The following DTYMK variants were observed in gnomAD, a reference collection of about 807,000 sequenced individuals.
DTYMK encodes deoxythymidylate kinase.
In DTYMK, 20 loss-of-function variants were observed where a neutral mutation model predicts 20.3. The observed-to-expected ratio is 0.99, with a 90% CI of 0.69 to 1.43. The LOEUF is 1.43. Ranked by LOEUF, DTYMK falls within the 40% of genes most tolerant of loss-of-function variation. The probability of loss-of-function intolerance (pLI) is 0.00; values close to 1 mark genes in which losing one functional copy is unlikely to be tolerated. For missense variants in DTYMK, 320 were observed against 291.1 expected, an observed-to-expected ratio of 1.10 and a Z score of -0.72; for synonymous variants, 148 against 124.4, an observed-to-expected ratio of 1.19 and a Z score of -1.27.
chr2:241,678,697 T>C, intron 3 of DTYMK, 48 bp from the exon 4 acceptor site: 5 of 1,595,258 alleles, frequency 3.1e-6, no homozygotes, highest in Non-Finnish European at 4.3e-6. Context: ...GTCTAGGTTT[T>C]TGTTTCGAAA....
intron 4 of DTYMK, among the ~76,000 whole-genome samples, chr2:241,677,204 G>T (rs1015997477): frequency 6.6e-6 from 1 of 152,204 alleles, no homozygotes; most frequent in African/African-American, 2.4e-5. Flanking sequence ...GCACTTGGAA[G>T]AATCTAACCA....
rs1205604589 is a variant in DTYMK at position 241,686,720 on chromosome 2, G to A, written c.64C>T (p.Gln22Ter). 2 of 1,545,304 alleles carry A rather than the reference G, an allele frequency of 1.3e-6. No homozygotes were observed. Among genetic ancestry groups the A allele is most frequent in the Non-Finnish European group, 8.6e-7 (1 of 1,158,668 alleles). Residue 22 changes from glutamine (Q) to a stop codon, truncating the protein, a stop_gained, in exon 1 of 5, where the codon CAG becomes TAG. Coordinates refer to ENST00000305784, the MANE Select transcript of DTYMK (RefSeq NM_012145.4). LOFTEE classifies it high-confidence loss of function. ...EGVDRAGKST[Q>*]SRKLVEALCA... ...AGCGCTTCCACCAGCTTGCGGCTCT[G>A]CGTGCTCTTCCCGGCGCGGTCCACG...
chr2:241,678,127 A>T (rs2069158332), intron 4 of DTYMK, among the ~76,000 whole-genome samples: 1 of 152,066 alleles, frequency 6.6e-6, no homozygotes, highest in Non-Finnish European at 1.5e-5. Context: ...AAAATTAGCC[A>T]GGCATGATGG....
chr2:241,677,440 C>T (rs936349534), intron 4 of DTYMK, among the ~76,000 whole-genome samples: 1 of 152,276 alleles, frequency 6.6e-6, no homozygotes, highest in African/African-American at 2.4e-5. Context: ...TGACCAGCAT[C>T]ATCTGCAGGC....
chr2:241,676,263 A>G, intron 4 of DTYMK, 26 bp from the exon 5 acceptor site: 1 of 1,596,922 alleles, frequency 6.3e-7, no homozygotes, highest in Non-Finnish European at 8.5e-7. Context: ...TTTCAGGAGA[A>G]AAAGAGGCTC....
chr2:241,685,992 T>A, intron 1 of DTYMK, 115 bp from the exon 2 acceptor site: 1 of 1,091,748 alleles, frequency 9.2e-7, no homozygotes, highest in Non-Finnish European at 1.3e-6. Flanking sequence ...AATTTTACTT[T>A]ACTAAATCTC....
At chr2:241,684,094 C>G (rs911460848) in intron 2 of DTYMK, among the ~76,000 whole-genome samples, 48 of 151,956 alleles carry the variant, frequency 3.2e-4, no homozygotes, top group Non-Finnish European at 5.4e-4. Flanking sequence ...AAAAAACTAT[C>G]AAGCCACAGT....
rs760649892 is a variant in DTYMK at position 241,685,893 on chromosome 2, AAC to A, written c.131-18_131-17del. Reference sequence around the variant, plus strand: ...GTTGATCTTTCTAGAAAAAAAGAGAAACACACAAAATGCAAGTGAGATCAGGC... The same window carrying A: ...GTTGATCTTTCTAGAAAAAAAGAGAAACACAAAATGCAAGTGAGATCAGGC... On this transcript the variant is annotated splice_polypyrimidine_tract_variant and intron_variant, in intron 1 of 4. Coordinates refer to ENST00000305784, the MANE Select transcript of DTYMK (RefSeq NM_012145.4). 1.2e-6 allele frequency: 2 copies of A among 1,612,216 alleles called. No homozygotes were observed. The highest frequency in any genetic ancestry group is 1.1e-5 in the South Asian group (1 of 91,046).
In DTYMK at chr2:241,678,599, G is replaced by A. The variant is rs1803266; in HGVS notation, c.381C>T (p.Pro127=). 1.9e-5 allele frequency: 31 copies of A among 1,614,068 alleles called. No homozygotes were observed. Among genetic ancestry groups the A allele is most frequent in the African/African-American group, 4.0e-5 (3 of 74,920 alleles). Residue 127 remains proline, a synonymous_variant, in exon 4 of 5, where the codon CCC becomes CCT. Coordinates refer to ENST00000305784, the MANE Select transcript of DTYMK (RefSeq NM_012145.4). ...CKQPDVGLPK[P]DLVLFLQLQL... ...GTAACTGGAGGAACAGGACCAGGTC[G>A]GGTTTGGGAAGGCCCACGTCTGGCT...
intron 2 of DTYMK, chr2:241,685,025 C>T: frequency 6.1e-6 from 1 of 164,374 alleles, no homozygotes. Flanking sequence ...GACCTTGACT[C>T]TACATTAAAA....
In DTYMK at chr2:241,675,834, C is replaced by G. The variant is rs1207100170; in HGVS notation, c.*293G>C. On this transcript the variant is annotated 3_prime_UTR_variant, in exon 5 of 5. Transcript: ENST00000305784. ...TTACAGTGATCACAATGAAACTGCT[C>G]AGAGTTATCACTGAACTTCAGTAAG... is the stretch of plus-strand genomic sequence containing the variant. 2 of 273,488 alleles carry G rather than the reference C, an allele frequency of 7.3e-6. No homozygotes were observed. The highest frequency in any genetic ancestry group is 4.4e-5 in the African/African-American group (2 of 45,034). The allele number at this position is 273,488 out of a possible 1,614,324, so 16.9% of individuals were successfully genotyped here.
intron 3 of DTYMK, 129 bp downstream of exon 3, chr2:241,680,100 G>C: frequency 2.5e-6 from 2 of 795,302 alleles, no homozygotes; most frequent in Non-Finnish European, 4.0e-6. Flanking sequence ...CTAGCAAAGA[G>C]ATAAAAGGAA....
intron 3 of DTYMK, 39 bp downstream of exon 3, chr2:241,680,190 C>T (rs1241920445): frequency 2.5e-6 from 4 of 1,607,370 alleles, no homozygotes; most frequent in Non-Finnish European, 3.4e-6. Context: ...TGGGTCCACA[C>T]ATCTGTGCTC....
In DTYMK at chr2:241,685,969, A is replaced by G. The variant is rs1042805904; in HGVS notation, c.131-92T>C. On this transcript the variant is annotated intron_variant, in intron 1 of 4. Transcript: ENST00000305784. ...TTTGGACTGAATTTCTCCCGGACTC[A>G]AGTCTCACGTTGAATTTTACTTTAC... 9 of 1,290,796 alleles carry G rather than the reference A, an allele frequency of 7.0e-6. 1 individual carries two copies. In the South Asian group the frequency reaches 1.0e-4, roughly 15 times the overall value. The allele number at this position is 1,290,796 out of a possible 1,614,324, so 80.0% of individuals were successfully genotyped here. A position where few individuals can be genotyped will look rare whatever the true frequency, so the allele number is the denominator to read the frequency against.
In DTYMK at chr2:241,686,773, C is replaced by A. The variant is rs764583881; in HGVS notation, c.11G>T (p.Arg4Leu). The change falls in exon 1 of 5, where the codon CGG becomes CTG. Residue 4 changes from arginine to leucine, a missense_variant. Physicochemically the swap from Arg to Leu is moderately radical, Grantham distance 102. Coordinates refer to ENST00000305784, the MANE Select transcript of DTYMK (RefSeq NM_012145.4). ...CTCCAGCACTATGAGAGCCCCGCGC[C>A]GGGCCGCCATGACTGTCCACCGCCC... MAA[R>L]RGALIVLEGV... 398 of 1,458,732 alleles carry A rather than the reference C, an allele frequency of 2.7e-4. No homozygotes were observed. Among genetic ancestry groups the A allele is most frequent in the Non-Finnish European group, 3.2e-4 (357 of 1,120,248 alleles). 90.4% of individuals were successfully genotyped at this position (1,458,732 alleles called of 1,614,324 possible).
chr2:241,680,197 G>A (rs746251107), intron 3 of DTYMK, 32 bp downstream of exon 3: 49 of 1,610,178 alleles, frequency 3.0e-5, no homozygotes, highest in Non-Finnish European at 4.2e-5. Context: ...ACACATCTGT[G>A]CTCGCCTGAC....
Position 241,676,053 on chromosome 2 carries a change from G to C in DTYMK, c.*74C>G. 1 of 1,412,110 alleles carries C rather than the reference G, an allele frequency of 7.1e-7. No homozygotes were observed. The highest frequency in any genetic ancestry group is 9.6e-7 in the Non-Finnish European group (1 of 1,040,532). The allele number at this position is 1,412,110 out of a possible 1,614,324, so 87.5% of individuals were successfully genotyped here. ...AGTTGTGGGGTCTGGACTCTGCTGG[G>C]GACGGGGCCTTCCGCGAGTCTCCCA... On this transcript the variant is annotated 3_prime_UTR_variant, in exon 5 of 5. Coordinates refer to ENST00000305784, the MANE Select transcript of DTYMK (RefSeq NM_012145.4).
At chr2:241,685,708 C>T (rs1438604188) in intron 2 of DTYMK, 61 bp downstream of exon 2, 11 of 1,532,910 alleles carry the variant, frequency 7.2e-6, no homozygotes, top group Non-Finnish European at 8.1e-6. Context: ...GCTGCGTTCA[C>T]TGAATCTCAG....
chr2:241,680,306 C>T lies in DTYMK; in HGVS notation c.253G>A (p.Glu85Lys). The T allele has an allele frequency of 6.2e-7, 1 of 1,614,096 alleles. No homozygotes were observed. The highest frequency in any genetic ancestry group is 1.7e-5 in the Admixed American group (1 of 60,008). ...NRWEQVPLIK[E>K]KLSQGVTLVV... ...AGGGTCACGCCCTGGCTCAACTTTT[C>T]CTTAATTAACGGCCTGAAAAAGAGG... Residue 85 changes from glutamate to lysine, a missense_variant, in exon 3 of 5, where the codon GAA (glutamate) becomes AAA (lysine). Transcript: ENST00000305784.
Sources: allele counts gnomAD v4.1 joint callset (sites outside exome capture counted in the v4.1 genomes callset), GRCh38; gene constraint gnomAD v4.1.1; transcripts MANE v1.5; gene names NCBI Gene and HGNC (gene_info 2026-07-23, HGNC 2026-07-21).